The following GRIP2 variants were observed in gnomAD, a reference collection of about 807,000 sequenced individuals.
GRIP2 encodes the protein glutamate receptor-interacting protein 2.
A neutral mutation model predicts 108.3 loss-of-function variants in GRIP2; 58 were observed. The observed-to-expected ratio is 0.54, with a 90% CI of 0.43 to 0.67. GRIP2 has a LOEUF of 0.67. Among genes scored for constraint, GRIP2 ranks in the 30% least tolerant of loss-of-function variants. GRIP2 has a pLI of 0.00. For synonymous variants in GRIP2, 586 were observed against 598.2 expected (o/e 0.98, Z 0.30); for missense variants, 1,278 against 1,430.6 (o/e 0.89, Z 1.72).
At position 14,513,711 on chromosome 3, in the gene GRIP2, G is replaced by A. The variant is rs781332670; in HGVS notation, c.1593C>T (p.Ala531=). ...CCAGCACGACCTTGTGGGCCAGTGC[G>A]GCGTCCCGCAGGAGCTGGTTGGCTT... is the stretch of plus-strand genomic sequence containing the variant. ...MEEANQLLRD[A]ALAHKVVLEV... The change falls in exon 13 of 24, where the codon GCC becomes GCT. Residue 531 remains alanine, a synonymous_variant. Coordinates refer to ENST00000621039, the MANE Select transcript of GRIP2 (RefSeq NM_001080423.4). The A allele has an allele frequency of 8.7e-6, 14 of 1,610,312 alleles. No individual in the cohort carries two copies. The highest frequency in any genetic ancestry group is 4.5e-5 in the East Asian group (2 of 44,730).
the GRIP2 span, chr3:14,602,403 T>A: frequency 6.6e-6 from 1 of 151,548 alleles, no homozygotes; most frequent in Non-Finnish European, 1.5e-5. This position sits in a 1 kb window ranked among gnomAD's most constrained non-coding sequence, Gnocchi z 4.7. Context: ...GACTCCGGGG[T>A]CGGCATGGGG....
intron 1 of GRIP2, among the ~76,000 whole-genome samples, chr3:14,555,041 TG>T: frequency 6.6e-6 from 1 of 152,138 alleles, no homozygotes; most frequent in Admixed American, 6.5e-5. Context: ...AGGTGAAGCC[TG>T]GGGTCACACA....
chr3:14,508,931 C>A (rs1474110358), intron 17 of GRIP2, among the ~76,000 whole-genome samples: 1 of 152,146 alleles, frequency 6.6e-6, no homozygotes, highest in African/African-American at 2.4e-5. Flanking sequence ...ATCAGCCCGG[C>A]GAAGGCAGGA....
At chr3:14,555,922 G>A (rs1322385421) in exon 1 of GRIP2, 2 of 399,500 alleles carry the variant, frequency 5.0e-6, no homozygotes, top group Non-Finnish European at 8.8e-6. Context: ...GCCTCACCAC[G>A]CCCAGCCGCC....
chr3:14,515,882 C>T (rs779876944), intron 11 of GRIP2, among the ~76,000 whole-genome samples: 4 of 152,128 alleles, frequency 2.6e-5, no homozygotes, highest in South Asian at 4.1e-4. Flanking sequence ...CTGCCCACCT[C>T]GGCCTCCCAA....
At chr3:14,510,106 T>C (rs1321023226) in intron 16 of GRIP2, 142 bp from the exon 17 acceptor site, 7 of 729,552 alleles carry the variant, frequency 9.6e-6, no homozygotes, top group Non-Finnish European at 1.9e-6. Flanking sequence ...TAGCACAACC[T>C]GGGGACCCTG....
chr3:14,546,715 AC>A (rs1410667298), upstream of GRIP2, among the ~76,000 whole-genome samples: 1 of 152,224 alleles, frequency 6.6e-6, no homozygotes, highest in Non-Finnish European at 1.5e-5. Context: ...AGGTGTCCCA[AC>A]TAACTGTCAC....
In GRIP2 at chr3:14,511,559, G is replaced by T. The variant is rs1030478980; in HGVS notation, c.1721-80C>A. 11 of 1,362,748 alleles carry T rather than the reference G, an allele frequency of 8.1e-6. No homozygotes were observed. The highest frequency in any genetic ancestry group is 1.1e-5 in the Non-Finnish European group (11 of 967,648). The allele number at this position is 1,362,748 out of a possible 1,614,324, so 84.4% of individuals were successfully genotyped here. On this transcript the variant is annotated intron_variant, in intron 14 of 23. Transcript: ENST00000621039. This position sits in a 1 kb window ranked among gnomAD's most constrained non-coding sequence, Gnocchi z 4.1. ...TGGCGAAGCCCAGGGGTCTGAGTGT[G>T]GACTCGGAGCCACTGGTCCTACTCA...
the GRIP2 span, among the ~76,000 whole-genome samples, chr3:14,583,029 C>G: frequency 6.6e-6 from 1 of 152,206 alleles, no homozygotes. Context: ...GTTCATTTCC[C>G]AGATGAAGAC....
chr3:14,574,092 A>G, the GRIP2 span: 1 of 1,263,876 alleles, frequency 7.9e-7, no homozygotes, highest in Non-Finnish European at 1.2e-6. Flanking sequence ...GTGGTTCCAC[A>G]GAATCGAGTC....
the GRIP2 span, among the ~76,000 whole-genome samples, chr3:14,583,343 C>A: frequency 6.6e-6 from 1 of 152,220 alleles, no homozygotes; most frequent in African/African-American, 2.4e-5. Context: ...GTCAAACCAT[C>A]ATGAGAGATG....
chr3:14,599,791 C>A, the GRIP2 span, among the ~76,000 whole-genome samples: 1 of 151,416 alleles, frequency 6.6e-6, no homozygotes, highest in Non-Finnish European at 1.5e-5. Context: ...CTTCAAGTTA[C>A]CCCCAATCCC....
In GRIP2 at chr3:14,511,235, G is replaced by A. The variant is rs745387567; in HGVS notation, c.1863C>T (p.Asp621=). The change falls in exon 16 of 24, where the codon GAC becomes GAT. Residue 621 remains aspartate (D), a synonymous_variant. Coordinates refer to ENST00000621039, the MANE Select transcript of GRIP2 (RefSeq NM_001080423.4). This position sits in a 1 kb window ranked among gnomAD's most constrained non-coding sequence, Gnocchi z 4.1. ...CGCACTGCCGCAGGATTTGCACGGC[G>A]TCCTCCATGGGGCAGTTGTCCAGGC... ...NIRLDNCPME[D]AVQILRQCED... 1.7e-5 allele frequency: 27 copies of A among 1,613,988 alleles called. No individual in the cohort carries two copies. The highest frequency in any genetic ancestry group is 1.6e-4 in the Middle Eastern group (1 of 6,062).
the GRIP2 span, among the ~76,000 whole-genome samples, chr3:14,563,904 C>T: frequency 2.6e-5 from 4 of 152,120 alleles, no homozygotes; most frequent in Admixed American, 2.0e-4. Flanking sequence ...AGAAAGAAAG[C>T]GGCTGTTTCT....
intron 17 of GRIP2, among the ~76,000 whole-genome samples, chr3:14,508,563 C>T (rs549887360): frequency 6.6e-6 from 1 of 152,182 alleles, no homozygotes; most frequent in South Asian, 2.1e-4. Flanking sequence ...TGGGCATTGC[C>T]CTGCACTTCC....
At chr3:14,496,594 G>C in intron 21 of GRIP2, 34 bp from the exon 22 acceptor site, 1 of 1,579,364 alleles carries the variant, frequency 6.3e-7, no homozygotes. Flanking sequence ...TCAGATGCTT[G>C]TTGGCTTGCC....
At chr3:14,519,347 C>T (rs191650707) in intron 9 of GRIP2, among the ~76,000 whole-genome samples, 1 of 152,350 alleles carries the variant, frequency 6.6e-6, no homozygotes, top group African/African-American at 2.4e-5. Context: ...CCAGCTCTGC[C>T]CTTAGGGCTA....
chr3:14,523,759 G>T, intron 4 of GRIP2, 61 bp from the exon 5 acceptor site: 2 of 1,117,328 alleles, frequency 1.8e-6, no homozygotes, highest in Non-Finnish European at 2.7e-6. Context: ...CGGTAGATGT[G>T]CCCAAAGCTC....
At chr3:14,599,139 G>T in the GRIP2 span, among the ~76,000 whole-genome samples, 1 of 151,992 alleles carries the variant, frequency 6.6e-6, no homozygotes, top group Admixed American at 6.5e-5. Context: ...TCTTTTTCTT[G>T]TTCACAGTTT....
Sources: allele counts gnomAD v4.1 joint callset (sites outside exome capture counted in the v4.1 genomes callset), GRCh38; gene constraint gnomAD v4.1.1; non-coding constraint Gnocchi (gnomAD v3.1); transcripts MANE v1.5; gene names NCBI Gene and HGNC (gene_info 2026-07-23, HGNC 2026-07-21).